DNAH3: variants seen among roughly 807,000 people sequenced by gnomAD.
The protein encoded by DNAH3 is axonemal beta dynein heavy chain 3.
Under a neutral mutation model 432.5 loss-of-function variants are expected in DNAH3, and 332 were observed. That is an observed-to-expected ratio of 0.77 (90% CI 0.70 to 0.84). The LOEUF (loss-of-function observed/expected upper bound fraction) is 0.84. Among genes scored for constraint, DNAH3 ranks in the 40% least tolerant of loss-of-function variants. DNAH3 has a pLI of 0.00. For synonymous variants in DNAH3, 1,956 were observed against 1,900.2 expected (o/e 1.03, Z -0.76); for missense variants, 4,861 against 5,114.0 (o/e 0.95, Z 1.51).
intron 50 of DNAH3, among the ~76,000 whole-genome samples, chr16:20,979,061 A>G (rs1029845035): frequency 3.3e-5 from 5 of 152,172 alleles, no homozygotes; most frequent in African/African-American, 1.2e-4. Context: ...CATTAAAAAA[A>G]AAGTACTCAA....
rs749061530 is a variant in DNAH3 at position 21,127,673 on chromosome 16, G to A, written c.1208+14C>T. ...ATACCATGGTGCAGCCCCACTTGGA[G>A]GGCAGATACTGACTTGTTGAGAAGA... On this transcript the variant is annotated intron_variant, in intron 8 of 61. Coordinates refer to ENST00000261383, the Ensembl canonical transcript of DNAH3. 2 of 1,613,764 alleles carry A rather than the reference G, an allele frequency of 1.2e-6. No homozygotes were observed. Among genetic ancestry groups the A allele is most frequent in the Non-Finnish European group, 1.7e-6 (2 of 1,179,840 alleles).
At chr16:21,078,453 T>G (rs2091058666) in intron 20 of DNAH3, among the ~76,000 whole-genome samples, 1 of 152,066 alleles carries the variant, frequency 6.6e-6, no homozygotes, top group Non-Finnish European at 1.5e-5. Flanking sequence ...GTCACTGACT[T>G]AAATATGGCC....
rs140438594 is a variant in DNAH3 at position 21,019,802 on chromosome 16, A to G, written c.5844T>C (p.Phe1948=). The G allele has an allele frequency of 3.7e-6, 6 of 1,614,034 alleles. No individual in the cohort carries two copies. In the African/African-American group the frequency reaches 5.3e-5, roughly 14 times the overall value. Residue 1948 remains phenylalanine (F), a synonymous_variant, in exon 41 of 62, where the codon TTT becomes TTC. Transcript: ENST00000261383. Reference sequence around the variant, plus strand: ...AGAGAAACAGTCCTTGGAGCCAGAGAAAGATCTGTTGACTTGACAGGCCTT... The same window carrying G: ...AGAGAAACAGTCCTTGGAGCCAGAGGAAGATCTGTTGACTTGACAGGCCTT...
In DNAH3 at chr16:21,110,821, T is replaced by C. The variant is rs540713544; in HGVS notation, c.2099+805A>G. ...GGGAGGTCGAGGCTGCCATGAGCTATGATCGCGCCACTACTGCACTCCAGC... is the reference window on the plus strand; with the variant it reads ...GGGAGGTCGAGGCTGCCATGAGCTACGATCGCGCCACTACTGCACTCCAGC... On this transcript the variant is annotated intron_variant, in intron 14 of 61. Transcript: ENST00000261383. 2.0e-5 allele frequency among the ~76,000 whole-genome samples: 3 copies of C among 152,196 alleles called. No individual in the cohort carries two copies. In the East Asian group the frequency reaches 5.8e-4, roughly 29 times the overall value.
intron 47 of DNAH3, 152 bp downstream of exon 47, chr16:20,987,153 G>C (rs2086236844): frequency 2.2e-6 from 2 of 924,726 alleles, no homozygotes; most frequent in African/African-American, 3.3e-5. Flanking sequence ...ATATCACCAA[G>C]TCAAAAAGAG....
In DNAH3 at chr16:21,094,507, C is replaced by T. The variant is rs563156097; in HGVS notation, c.2665+2848G>A. On this transcript the variant is annotated intron_variant, in intron 18 of 61. Coordinates refer to ENST00000261383, the Ensembl canonical transcript of DNAH3. ...CCAACATGGTGAAACCCCGGCTCTA[C>T]GAAAAATGCAAAAATTAGCCAGGTG... 8.6e-5 allele frequency among the ~76,000 whole-genome samples: 13 copies of T among 151,982 alleles called. No individual in the cohort carries two copies. In the South Asian group the frequency reaches 1.5e-3, roughly 17 times the overall value.
intron 57 of DNAH3, 43 bp downstream of exon 57, chr16:20,948,440 G>A (rs2084152815): frequency 1.3e-6 from 2 of 1,595,220 alleles, no homozygotes; most frequent in East Asian, 2.2e-5. Flanking sequence ...AGATGACGGA[G>A]CCCTGTGGGG....
At chr16:21,147,203 T>C (rs1470719200) in intron 1 of DNAH3, among the ~76,000 whole-genome samples, 1 of 152,008 alleles carries the variant, frequency 6.6e-6, no homozygotes, top group East Asian at 1.9e-4. Context: ...AGGAGGTGAC[T>C]TTAAAAACAT....
intron 20 of DNAH3, among the ~76,000 whole-genome samples, chr16:21,076,486 C>T (rs970040461): frequency 6.6e-6 from 1 of 152,086 alleles, no homozygotes; most frequent in Non-Finnish European, 1.5e-5. Flanking sequence ...GTCATTATTC[C>T]GGACTGAGCT....
chr16:21,045,025 T>C (rs1281424984), intron 31 of DNAH3, among the ~76,000 whole-genome samples: 1 of 152,168 alleles, frequency 6.6e-6, no homozygotes, highest in African/African-American at 2.4e-5. Context: ...GGATGAAGCC[T>C]ACTTGATCAG....
intron 16 of DNAH3, among the ~76,000 whole-genome samples, chr16:21,102,272 C>A (rs1479590330): frequency 6.6e-6 from 1 of 152,214 alleles, no homozygotes; most frequent in African/African-American, 2.4e-5. Context: ...CACTCTACTC[C>A]TCTCGTCATA....
chr16:20,941,578 G>C (rs781290516), intron 58 of DNAH3, 35 bp from the exon 59 acceptor site: 33 of 1,611,894 alleles, frequency 2.0e-5, no homozygotes, highest in Non-Finnish European at 2.6e-5. Flanking sequence ...TGAGTGAGAA[G>C]CAAGCCCTAC....
chr16:21,024,517 T>G, intron 39 of DNAH3, 79 bp downstream of exon 39: 2 of 1,007,076 alleles, frequency 2.0e-6, no homozygotes, highest in Non-Finnish European at 2.9e-6. Context: ...ACTATGAAGG[T>G]GAAGATGTAC....
intron 25 of DNAH3, among the ~76,000 whole-genome samples, chr16:21,061,314 C>A (rs547436948): frequency 3.5e-4 from 49 of 138,778 alleles, no homozygotes; most frequent in Non-Finnish European, 6.2e-4. Context: ...CGGCTCATTG[C>A]AACTTCCGCC....
At chr16:21,098,038 A>T (rs1471573618) in intron 17 of DNAH3, among the ~76,000 whole-genome samples, 1 of 152,206 alleles carries the variant, frequency 6.6e-6, no homozygotes, top group African/African-American at 2.4e-5. Context: ...GCACATAATA[A>T]ATGTTCAATA....
intron 21 of DNAH3, among the ~76,000 whole-genome samples, chr16:21,072,309 T>C (rs2152764024): frequency 6.6e-6 from 1 of 152,278 alleles, no homozygotes; most frequent in East Asian, 1.9e-4. Flanking sequence ...GTTGGTTACA[T>C]ATGTATACAT....
chr16:21,062,421 A>G, intron 25 of DNAH3, 61 bp downstream of exon 25: 1 of 1,439,280 alleles, frequency 6.9e-7, no homozygotes, highest in East Asian at 2.3e-5. Flanking sequence ...TGCTTAGCCA[A>G]TACGCTCTCT....
At chr16:20,984,650 A>G (rs751380218) in intron 48 of DNAH3, among the ~76,000 whole-genome samples, 1 of 152,126 alleles carries the variant, frequency 6.6e-6, no homozygotes, top group Non-Finnish European at 1.5e-5. Context: ...CGGGCAGATC[A>G]CTTGAAGCCA....
At chr16:20,987,052 T>C (rs2086232636) in intron 47 of DNAH3, among the ~76,000 whole-genome samples, 1 of 152,214 alleles carries the variant, frequency 6.6e-6, no homozygotes, top group African/African-American at 2.4e-5. Context: ...AACATTCATT[T>C]ATAATGAACT....
Sources: gnomAD v4.1 joint callset for allele counts (sites outside exome capture counted in the v4.1 genomes callset) on GRCh38, gnomAD v4.1.1 for gene constraint, MANE v1.5 for transcripts, NCBI Gene and HGNC (gene_info 2026-07-23, HGNC 2026-07-21) for gene names.